LRRC42: variants seen among roughly 807,000 people sequenced by gnomAD.
LRRC42 encodes leucine rich repeat containing 42.
A neutral mutation model predicts 44.3 loss-of-function variants in LRRC42; 43 were observed. The ratio of observed to expected loss-of-function variants is 0.97; its 90% CI spans 0.76 to 1.25. The LOEUF is 1.25. LRRC42 is among the 50% of genes most tolerant of loss of function. The probability of loss-of-function intolerance (pLI) is 0.00; values close to 1 mark genes in which losing one functional copy is unlikely to be tolerated. For synonymous variants in LRRC42, 207 were observed against 195.2 expected, an observed-to-expected ratio of 1.06 and a Z score of -0.50; for missense variants, 540 against 509.1, an observed-to-expected ratio of 1.06 and a Z score of -0.58.
At chr1:53,958,706 C>A (rs1654914245) in intron 4 of LRRC42, among the ~76,000 whole-genome samples, 1 of 152,110 alleles carries the variant, frequency 6.6e-6, no homozygotes, top group African/African-American at 2.4e-5. Flanking sequence ...CCTGCGTCAG[C>A]CTCCCAAGTA....
intron 3 of LRRC42, among the ~76,000 whole-genome samples, chr1:53,954,904 A>C (rs1654788243): frequency 6.6e-6 from 1 of 152,246 alleles, no homozygotes; most frequent in East Asian, 1.9e-4. Flanking sequence ...CTTACTAAGA[A>C]TCTATTCTGA....
At chr1:53,955,297 A>C (rs1054538328) in intron 3 of LRRC42, among the ~76,000 whole-genome samples, 4 of 152,080 alleles carry the variant, frequency 2.6e-5, no homozygotes, top group Admixed American at 6.6e-5. Flanking sequence ...AAATATAGGA[A>C]ACTTTTTTTT....
At chr1:53,963,437 A>C (rs1223193002) in intron 7 of LRRC42, among the ~76,000 whole-genome samples, 1 of 152,188 alleles carries the variant, frequency 6.6e-6, no homozygotes, top group African/African-American at 2.4e-5. Flanking sequence ...TGGAGTCAGA[A>C]AGACCTGGGC....
intron 8 of LRRC42, among the ~76,000 whole-genome samples, chr1:53,966,999 AAG>A (rs1282881126): frequency 1.3e-5 from 2 of 152,162 alleles, no homozygotes; most frequent in Non-Finnish European, 2.9e-5. Flanking sequence ...ACAAGATAAA[AAG>A]AGTTCTGGAG....
intron 3 of LRRC42, among the ~76,000 whole-genome samples, chr1:53,952,945 A>G (rs1654734096): frequency 1.3e-5 from 2 of 152,338 alleles, no homozygotes; most frequent in Middle Eastern, 3.4e-3. Context: ...CAAAGTCCCA[A>G]CACTAAGGTC....
chr1:53,962,182 T>C lies in LRRC42; in HGVS notation c.813+60T>C, dbSNP rs1022565906. On this transcript the variant is annotated intron_variant, in intron 6 of 8. Transcript: ENST00000371370. ...ACTCAACAATTTGATATTTTGCCTG[T>C]GCTAATTGGTATTTAGAAAGGGCTG... 6 of 1,497,698 alleles carry C rather than the reference T, an allele frequency of 4.0e-6. No homozygotes were observed. The African/African-American group carries it at 8.3e-5, about 21-fold the overall frequency. The allele number at this position is 1,497,698 out of a possible 1,614,324, so 92.8% of individuals were successfully genotyped here.
At chr1:53,963,168 A>G (rs1451000896) in intron 7 of LRRC42, among the ~76,000 whole-genome samples, 1 of 152,202 alleles carries the variant, frequency 6.6e-6, no homozygotes, top group Non-Finnish European at 1.5e-5. Flanking sequence ...GCAGGATGGT[A>G]GAACTATCCA....
In LRRC42 at chr1:53,952,145, A is replaced by G. The variant is rs1372152574; in HGVS notation, c.146A>G (p.Lys49Arg). The G allele has an allele frequency of 1.3e-5, 21 of 1,614,152 alleles. No individual in the cohort carries two copies. Among genetic ancestry groups the G allele is most frequent in the Middle Eastern group, 1.6e-4 (1 of 6,062 alleles). The change falls in exon 3 of 9, where the codon AAA (lysine) becomes AGA (arginine). Residue 49 changes from lysine (K) to arginine (R), a missense_variant. Coordinates refer to ENST00000371370, the MANE Select transcript of LRRC42 (RefSeq NM_001256409.2). ...CCAAGGCCTTTCAGACTGTTCCCCA[A>G]AGGCTTTTCTGTGGAGCTTTGCATG... ...QKPRPFRLFPKGFSVELCMNR... is the reference protein window; with the variant it reads ...QKPRPFRLFPRGFSVELCMNR...
intron 2 of LRRC42, among the ~76,000 whole-genome samples, chr1:53,948,482 C>T (rs188007840): frequency 3.9e-5 from 6 of 152,262 alleles, no homozygotes; most frequent in Admixed American, 1.3e-4. Context: ...AACTTTGGCT[C>T]GCTTGTGGTG....
chr1:53,962,076 C>A lies in LRRC42; in HGVS notation c.767C>A (p.Ser256Tyr). Reference protein sequence around the residue: ...ITDAGIGYLFSFRKLNCLDIS... With the variant: ...ITDAGIGYLFYFRKLNCLDIS... ...GATGCAGGCATTGGATACCTCTTTTCTTTTAGGAAACTAAACTGCTTAGAT... is the reference window on the plus strand; with the variant it reads ...GATGCAGGCATTGGATACCTCTTTTATTTTAGGAAACTAAACTGCTTAGAT... The change falls in exon 6 of 9, where the codon TCT becomes TAT. Residue 256 changes from serine to tyrosine, a missense_variant. Physicochemically the swap from Ser to Tyr is moderately radical, Grantham distance 144 (BLOSUM62 -2). Transcript: ENST00000371370. 1 of 1,614,032 alleles carries A rather than the reference C, an allele frequency of 6.2e-7. No homozygotes were observed.
chr1:53,952,974 G>A (rs1033440927), intron 3 of LRRC42, among the ~76,000 whole-genome samples: 1 of 152,222 alleles, frequency 6.6e-6, no homozygotes, highest in African/African-American at 2.4e-5. Context: ...TAACAAAGCA[G>A]ATATTTTCTC....
chr1:53,962,329 C>A lies in LRRC42; in HGVS notation c.847C>A (p.His283Asn). Reference protein sequence around the residue: ...IKTVKHKLQTHIGLVHSKVPL... With the variant: ...IKTVKHKLQTNIGLVHSKVPL... ...AACCGTCAAGCACAAGCTCCAGACCCACATAGGCCTTGTTCACTCCAAAGT... is the reference window on the plus strand; with the variant it reads ...AACCGTCAAGCACAAGCTCCAGACCAACATAGGCCTTGTTCACTCCAAAGT... Residue 283 changes from histidine (H) to asparagine (N), a missense_variant, in exon 7 of 9, where the codon CAC becomes AAC. By Grantham distance (68) the His-to-Asn change is moderately conservative. Transcript: ENST00000371370. The A allele has an allele frequency of 6.2e-7, 1 of 1,614,120 alleles. No homozygotes were observed. The highest frequency in any genetic ancestry group is 1.3e-5 in the African/African-American group (1 of 75,054).
At chr1:53,966,221 AG>A in intron 7 of LRRC42, 74 bp from the exon 8 acceptor site, 1 of 1,194,218 alleles carries the variant, frequency 8.4e-7, no homozygotes, top group South Asian at 1.2e-5. Flanking sequence ...AGAGGGAAAA[AG>A]GGGGAACAAG....
chr1:53,961,992 A>G lies in LRRC42; in HGVS notation c.725-42A>G, dbSNP rs148395078. ...TATTTTTGGTTGTCATTTTAACAGC[A>G]TTTATATTGTGACAGAATGCTACGT... On this transcript the variant is annotated intron_variant, in intron 5 of 8. Coordinates refer to ENST00000371370, the MANE Select transcript of LRRC42 (RefSeq NM_001256409.2). 1,894 of 1,433,588 alleles carry G rather than the reference A, an allele frequency of 1.3e-3. 19 individuals are homozygous for G. In the African/African-American group the frequency reaches 0.024, roughly 18 times the overall value. The allele number at this position is 1,433,588 out of a possible 1,614,324, so 88.8% of individuals were successfully genotyped here. A position where few individuals can be genotyped will look rare whatever the true frequency, so the allele number is the denominator to read the frequency against.
At chr1:53,951,807 C>A (rs570524289) in intron 2 of LRRC42, among the ~76,000 whole-genome samples, 179 bp from the exon 3 acceptor site, 2 of 152,146 alleles carry the variant, frequency 1.3e-5, no homozygotes, top group Admixed American at 6.5e-5. Context: ...TTCCAGGTAG[C>A]GGCAATAGAG....
chr1:53,951,052 G>A (rs1051261489), intron 2 of LRRC42, among the ~76,000 whole-genome samples: 1 of 152,162 alleles, frequency 6.6e-6, no homozygotes, highest in African/African-American at 2.4e-5. Flanking sequence ...ATTCAGCGTG[G>A]TTCCTTTTCT....
At chr1:53,952,607 A>C in intron 3 of LRRC42, 135 bp downstream of exon 3, 1 of 649,952 alleles carries the variant, frequency 1.5e-6, no homozygotes, top group South Asian at 2.6e-5. Flanking sequence ...GAAGTAAAAG[A>C]CCATATTGAA....
chr1:53,962,070 T>C lies in LRRC42; in HGVS notation c.761T>C (p.Leu254Pro). ...PEITDAGIGY[L>P]FSFRKLNCLD... is the part of the protein sequence containing the mutation. ...ATCACAGATGCAGGCATTGGATACC[T>C]CTTTTCTTTTAGGAAACTAAACTGC... Residue 254 changes from leucine to proline, a missense_variant, in exon 6 of 9, where the codon CTC (leucine) becomes CCC (proline). Coordinates refer to ENST00000371370, the MANE Select transcript of LRRC42 (RefSeq NM_001256409.2). The C allele has an allele frequency of 1.2e-6, 2 of 1,613,992 alleles. No homozygotes were observed. Among genetic ancestry groups the C allele is most frequent in the Non-Finnish European group, 1.7e-6 (2 of 1,179,884 alleles).
At position 53,958,255 on chromosome 1, in the gene LRRC42, C is replaced by T. The variant is rs1557646617; in HGVS notation, c.580C>T (p.His194Tyr). ...KLGDEHELLE[H>Y]LTNEALSSVT... is the part of the protein sequence containing the mutation. ...TGGAGATGAGCATGAACTTCTAGAA[C>T]ATCTCACCAATGAAGCCCTGTCTAG... Residue 194 changes from histidine to tyrosine, a missense_variant, in exon 4 of 9, where the codon CAT becomes TAT. Transcript: ENST00000371370. 4 of 1,613,792 alleles carry T rather than the reference C, an allele frequency of 2.5e-6. No individual in the cohort carries two copies. Among genetic ancestry groups the T allele is most frequent in the South Asian group, 1.1e-5 (1 of 91,068 alleles).
Sources: gnomAD v4.1 joint callset for allele counts (sites outside exome capture counted in the v4.1 genomes callset) on GRCh38, gnomAD v4.1.1 for gene constraint, MANE v1.5 for transcripts, NCBI Gene and HGNC (gene_info 2026-07-23, HGNC 2026-07-21) for gene names.